Variants in PTK2 observed in about 807,000 individuals in gnomAD.
PTK2 encodes focal adhesion kinase 1.
In PTK2, 45 loss-of-function variants were observed where a neutral mutation model predicts 150.1. That is an observed-to-expected ratio of 0.30 (90% CI 0.24 to 0.38). The LOEUF is 0.38. Among genes scored for constraint, PTK2 ranks in the 10% least tolerant of loss-of-function variants. PTK2 has a pLI of 1.00. For synonymous variants in PTK2, 432 were observed against 449.2 expected (o/e 0.96, Z 0.48); for missense variants, 919 against 1,307.3 (o/e 0.70, Z 4.58).
Position 140,714,796 on chromosome 8 carries a change from CAAAAAAAAAAAA to C in PTK2, c.2142+2790_2142+2801del, listed in dbSNP as rs398010102. On this transcript the variant is annotated intron_variant, in intron 23 of 31. Transcript: ENST00000522684. ...CGGGCAATAGAGCAAGGCTCTGTCT[CAAAAAAAAAAAA>C]AAAAAAAAAAAAAATCTAAGTAAGA... Among the ~76,000 whole-genome samples, 8 of 46,864 alleles carry C rather than the reference CAAAAAAAAAAAA, an allele frequency of 1.7e-4. 1 individual carries two copies. The highest frequency in any genetic ancestry group is 2.8e-4 in the Non-Finnish European group (8 of 28,170). 30.7% of individuals were successfully genotyped at this position (46,864 alleles called of 152,430 possible). A position where few individuals can be genotyped will look rare whatever the true frequency, so the allele number is the denominator to read the frequency against.
intron 5 of PTK2, among the ~76,000 whole-genome samples, chr8:140,857,891 A>G (rs1025093444): frequency 6.6e-5 from 10 of 152,242 alleles, no homozygotes; most frequent in South Asian, 2.1e-4. Flanking sequence ...ACAAAACAAG[A>G]GTTCAGAACT....
chr8:140,905,037 A>G lies in PTK2; in HGVS notation c.-32-14268T>C, dbSNP rs1470850529. Among the ~76,000 whole-genome samples, 4 of 152,040 alleles carry G rather than the reference A, an allele frequency of 2.6e-5. No homozygotes were observed. The East Asian group carries it at 7.7e-4, about 29-fold the overall frequency. ...TAGTTATTTCTTGTCTTCTGCTAGC[A>G]TTTGAATGTGTTTGCTCTTCCTTCT... On this transcript the variant is annotated intron_variant, in intron 2 of 31. Coordinates refer to ENST00000522684, the Ensembl canonical transcript of PTK2.
chr8:140,694,795 A>C (rs2100025471), intron 26 of PTK2, among the ~76,000 whole-genome samples: 1 of 152,208 alleles, frequency 6.6e-6, no homozygotes, highest in South Asian at 2.1e-4. Context: ...CCATTGTTAG[A>C]GTCTCTTCAC....
chr8:140,973,053 G>T (rs1490914817), intron 1 of PTK2, among the ~76,000 whole-genome samples: 1 of 152,194 alleles, frequency 6.6e-6, no homozygotes, highest in African/African-American at 2.4e-5. Flanking sequence ...TAATTTTTCA[G>T]TTTCGTGGTA....
At chr8:140,834,002 G>C (rs1330313791) in intron 7 of PTK2, among the ~76,000 whole-genome samples, 2 of 152,170 alleles carry the variant, frequency 1.3e-5, no homozygotes, top group Non-Finnish European at 2.9e-5. Context: ...TACATTAGTT[G>C]AATTAAATTA....
chr8:140,888,227 T>C (rs138246471), intron 3 of PTK2, among the ~76,000 whole-genome samples: 3 of 152,236 alleles, frequency 2.0e-5, no homozygotes, highest in Non-Finnish European at 4.4e-5. Flanking sequence ...ATACCTCTTA[T>C]GTTGTTCAGT....
chr8:140,812,788 G>A (rs2100102353), intron 10 of PTK2, among the ~76,000 whole-genome samples: 2 of 151,916 alleles, frequency 1.3e-5, no homozygotes, highest in South Asian at 4.2e-4. Flanking sequence ...ACAAAGAAGG[G>A]CATTACATAA....
intron 4 of PTK2, among the ~76,000 whole-genome samples, chr8:140,871,559 G>T (rs2100142497): frequency 1.3e-5 from 2 of 152,174 alleles, no homozygotes; most frequent in African/African-American, 4.8e-5. Flanking sequence ...AGTACTTTAG[G>T]AGACAAAGGC....
Position 140,762,396 on chromosome 8 carries a change from G to A in PTK2, c.1235-1134C>T. 8.7e-7 allele frequency: 1 copy of A among 1,144,866 alleles called. No homozygotes were observed. The highest frequency in any genetic ancestry group is 1.1e-6 in the Non-Finnish European group (1 of 919,516). 70.9% of individuals were successfully genotyped at this position (1,144,866 alleles called of 1,614,324 possible). On this transcript the variant is annotated intron_variant, in intron 15 of 31. Transcript: ENST00000522684. ...CATCTATTCCATAGCTTTCTGTATT[G>A]CAATTAAGAGAGAAAAAAATTGAAG... is the stretch of plus-strand genomic sequence containing the variant.
At chr8:140,702,830 G>C (rs1387664120) in intron 24 of PTK2, 123 bp from the exon 28 acceptor site, 13 of 1,095,916 alleles carry the variant, frequency 1.2e-5, no homozygotes, top group Non-Finnish European at 1.5e-5. Flanking sequence ...GCCCCCCAAA[G>C]ATACCCATGT....
intron 16 of PTK2, among the ~76,000 whole-genome samples, chr8:140,755,460 C>G (rs1284853133): frequency 6.6e-6 from 1 of 152,216 alleles, no homozygotes; most frequent in Non-Finnish European, 1.5e-5. Flanking sequence ...GGTGTACTGT[C>G]CTGCCCCGCC....
intron 2 of PTK2, among the ~76,000 whole-genome samples, chr8:140,924,898 G>A (rs906703096): frequency 6.6e-6 from 1 of 152,050 alleles, no homozygotes; most frequent in African/African-American, 2.4e-5. Flanking sequence ...AATCATTAGG[G>A]TTGCAAAAAA....
At chr8:140,894,799 T>C (rs2100155493) in intron 2 of PTK2, among the ~76,000 whole-genome samples, 1 of 152,282 alleles carries the variant, frequency 6.6e-6, no homozygotes, top group South Asian at 2.1e-4. Context: ...GAATGGAGGA[T>C]GTGGTGTGGG....
chr8:140,677,322 T>TTATATA (rs200211453), intron 27 of PTK2, among the ~76,000 whole-genome samples: 2,753 of 152,232 alleles, frequency 0.018, 72 homozygotes, highest in African/African-American at 0.062. Context: ...GGACCTGTTG[T>TTATATA]TATACCTCCA....
intron 5 of PTK2, among the ~76,000 whole-genome samples, chr8:140,861,112 G>A (rs931079858): frequency 3.3e-5 from 5 of 152,180 alleles, no homozygotes; most frequent in South Asian, 2.1e-4. Context: ...AGGCCAGGGC[G>A]GAAGGACTGC....
intron 26 of PTK2, among the ~76,000 whole-genome samples, chr8:140,700,487 G>T (rs2100029595): frequency 7.1e-6 from 1 of 140,366 alleles, no homozygotes; most frequent in Non-Finnish European, 1.6e-5. Flanking sequence ...ATTTCAAGTA[G>T]TTTTTTTTTT....
exon 29 of PTK2, chr8:140,674,380 G>C (rs376658357): frequency 6.2e-7 from 1 of 1,600,758 alleles, no homozygotes; most frequent in Non-Finnish European, 8.5e-7. Flanking sequence ...AGGGCGAGGC[G>C]GTTTCTTTGG....
intron 7 of PTK2, 88 bp downstream of exon 7, chr8:140,846,172 G>A: frequency 9.7e-7 from 1 of 1,032,098 alleles, no homozygotes; most frequent in Non-Finnish European, 1.4e-6. Flanking sequence ...AGAAATAGCA[G>A]TGTTTCAGAA....
At chr8:140,770,881 G>C in intron 14 of PTK2, 82 bp from the exon 15 acceptor site, 1 of 561,894 alleles carries the variant, frequency 1.8e-6, no homozygotes, top group Non-Finnish European at 2.5e-6. Context: ...TACATTTAAA[G>C]GCTTATCTAT....
Sources: allele counts gnomAD v4.1 joint callset (sites outside exome capture counted in the v4.1 genomes callset), GRCh38; gene constraint gnomAD v4.1.1; transcripts MANE v1.5; gene names NCBI Gene and HGNC (gene_info 2026-07-23, HGNC 2026-07-21).